Variants in AR observed in about 807,000 individuals in gnomAD.
AR encodes androgen receptor.
A neutral mutation model predicts 53.9 loss-of-function variants in AR; 8 were observed. The observed-to-expected ratio is 0.15, with a 90% CI of 0.09 to 0.27. AR has a LOEUF of 0.27. Ranked by LOEUF, AR falls within the 10% of genes least tolerant of loss-of-function variation. The pLI is 1.00. For missense variants in AR, 639 were observed against 742.5 expected (o/e 0.86, Z 1.62); for synonymous variants, 359 against 316.4 (o/e 1.13, Z -1.43).
At chrX:67,679,199 G>T (rs2075918497) in intron 2 of AR, among the ~76,000 whole-genome samples, 1 of 110,838 alleles carries the variant, frequency 9.0e-6, no homozygotes. Context: ...ATTTAGATGA[G>T]CTCTAAGGCC....
rs1419690127 is a variant in AR, at chrX:67,722,895, G to A, written c.2518G>A (p.Asp840Asn). 3 of 1,210,737 alleles carry A rather than the reference G, an allele frequency of 2.5e-6. No individual in the cohort carries two copies. Among genetic ancestry groups the A allele is most frequent in the Admixed American group, 2.2e-5 (1 of 45,974 alleles). The change falls in exon 7 of 8, where the codon GAT becomes AAT. Residue 840 changes from aspartate (D) to asparagine (N), a missense_variant. Transcript: ENST00000374690. ...TCGAATGAACTACATCAAGGAACTC[G>A]ATCGTATCATTGCATGCAAAAGAAA... Reference protein sequence around the residue: ...ELRMNYIKELDRIIACKRKNP... With the variant: ...ELRMNYIKELNRIIACKRKNP...
At position 67,574,850 on chromosome X, in the gene AR, C is replaced by T. The variant is rs777615018; in HGVS notation, c.1616+28088C>T. Among the ~76,000 whole-genome samples the T allele has an allele frequency of 6.3e-5, 7 of 111,290 alleles. No individual in the cohort carries two copies. In the South Asian group the frequency reaches 1.9e-3, roughly 30 times the overall value. On this transcript the variant is annotated intron_variant, in intron 1 of 7. Coordinates refer to ENST00000374690, the MANE Select transcript of AR (RefSeq NM_000044.6). The stretch of plus-strand genomic sequence containing the variant: ...CATGTGATTACTAATAAACTCAAAG[C>T]GGCATTTTTTTACTTCTCAATATGA...
intron 3 of AR, chrX:67,695,745 A>G (rs970001288): frequency 1.4e-6 from 1 of 725,355 alleles, no homozygotes; most frequent in Non-Finnish European, 1.6e-6. Context: ...CTAAACACAC[A>G]CACACACACA....
intron 2 of AR, among the ~76,000 whole-genome samples, chrX:67,662,946 T>A (rs1264677415): frequency 9.0e-6 from 1 of 111,546 alleles, no homozygotes; most frequent in African/African-American, 3.3e-5. Context: ...AGGATTGCAA[T>A]CCCTGCCTTT....
Position 67,707,681 on chromosome X carries a change from C to G in AR, c.1886-3721C>G, listed in dbSNP as rs192818545. ...TTGTTATATGTGAATTTGATCCTGT[C>G]ATTGTGATGTTAGCTGGTTCTTTTG... On this transcript the variant is annotated intron_variant, in intron 3 of 7. Transcript: ENST00000374690. 2.0e-3 allele frequency among the ~76,000 whole-genome samples: 222 copies of G among 111,812 alleles called. 1 individual carries two copies. Among genetic ancestry groups the G allele is most frequent in the African/African-American group, 6.7e-3 (207 of 30,796 alleles).
intron 1 of AR, among the ~76,000 whole-genome samples, chrX:67,579,070 T>C (rs947407265): frequency 8.9e-6 from 1 of 111,954 alleles, no homozygotes; most frequent in African/African-American, 3.2e-5. Flanking sequence ...CAGCTGAGGC[T>C]GAAAGACATA....
rs190382556 is a variant in AR at position 67,663,766 on chromosome X, C to G, written c.1768+20359C>G. ...CCCCATCACTTTCAGGTACACCAAT[C>G]AGACATAGATTTGGTCTTTTCACAT... On this transcript the variant is annotated intron_variant, in intron 2 of 7. Transcript: ENST00000374690. Among the ~76,000 whole-genome samples the G allele has an allele frequency of 3.5e-4, 39 of 112,440 alleles. No individual in the cohort carries two copies. The East Asian group carries it at 0.01, about 30-fold the overall frequency.
At chrX:67,547,615 A>G (rs1018675715) in intron 1 of AR, among the ~76,000 whole-genome samples, 14 of 112,245 alleles carry the variant, frequency 1.2e-4, no homozygotes, top group African/African-American at 4.5e-4. Flanking sequence ...TTTAATGTAC[A>G]ATTTAATTAG....
chrX:67,553,612 A>G (rs1192332864), intron 1 of AR, among the ~76,000 whole-genome samples: 2 of 112,006 alleles, frequency 1.8e-5, no homozygotes. Flanking sequence ...TCTCACAGGA[A>G]CTATATTAAA....
rs770656555 is a variant in AR at position 67,729,350 on chromosome X, G to A, written c.*5509G>A. 25 of 173,314 alleles carry A rather than the reference G, an allele frequency of 1.4e-4. No homozygotes were observed. The highest frequency in any genetic ancestry group is 2.5e-4 in the Non-Finnish European group (23 of 91,027). The allele number at this position is 173,314 out of a possible 1,213,427, so 14.3% of individuals were successfully genotyped here. On this transcript the variant is annotated 3_prime_UTR_variant, in exon 8 of 8. Transcript: ENST00000374690. ...CCAACTCAACCATTTCTAGGTGAAGGCAGAAAAATCCACATTAGTTACTCC... is the reference window on the plus strand; with the variant it reads ...CCAACTCAACCATTTCTAGGTGAAGACAGAAAAATCCACATTAGTTACTCC...
At chrX:67,617,921 T>C (rs1440929950) in intron 1 of AR, among the ~76,000 whole-genome samples, 1 of 111,555 alleles carries the variant, frequency 9.0e-6, no homozygotes, top group Non-Finnish European at 1.9e-5. Flanking sequence ...AAAAAGAAAC[T>C]AGGAAAGTGC....
chrX:67,726,042 G>A lies in AR; in HGVS notation c.*2201G>A. 1 of 175,944 alleles carries A rather than the reference G, an allele frequency of 5.7e-6. No individual in the cohort carries two copies. The highest frequency in any genetic ancestry group is 2.9e-5 in the African/African-American group (1 of 34,514). The allele number at this position is 175,944 out of a possible 1,213,427, so 14.5% of individuals were successfully genotyped here. On this transcript the variant is annotated 3_prime_UTR_variant, in exon 8 of 8. Transcript: ENST00000374690. Reference sequence around the variant, plus strand: ...CCATTTTAATTGATTCACTCTGTTTGTTGAGAGGATAGTTTCTGAGTGACA... The same window carrying A: ...CCATTTTAATTGATTCACTCTGTTTATTGAGAGGATAGTTTCTGAGTGACA...
At chrX:67,723,485 AC>A (rs2076145557) in intron 7 of AR, among the ~76,000 whole-genome samples, 200 bp from the exon 8 acceptor site, 1 of 90,053 alleles carries the variant, frequency 1.1e-5, no homozygotes, top group Non-Finnish European at 2.2e-5. Flanking sequence ...CTCCATGGAG[AC>A]CATTTCTTTC....
chrX:67,560,813 T>G (rs1303326890), intron 1 of AR, among the ~76,000 whole-genome samples: 2 of 111,471 alleles, frequency 1.8e-5, no homozygotes, highest in Non-Finnish European at 3.8e-5. Context: ...TACTATCCAT[T>G]CTTCTATGAC....
intron 1 of AR, among the ~76,000 whole-genome samples, chrX:67,624,805 T>C (rs1359898826): frequency 1.9e-5 from 2 of 103,750 alleles, no homozygotes; most frequent in Non-Finnish European, 1.9e-5. Flanking sequence ...TAGGGAAAGA[T>C]TGAAATTTTT....
At chrX:67,681,532 G>A (rs1021159231) in intron 2 of AR, among the ~76,000 whole-genome samples, 1 of 112,165 alleles carries the variant, frequency 8.9e-6, no homozygotes. Context: ...TGTGGCTTGG[G>A]GCATGTAATT....
intron 1 of AR, among the ~76,000 whole-genome samples, chrX:67,577,857 A>G (rs1053439409): frequency 1.8e-5 from 2 of 111,342 alleles, no homozygotes; most frequent in African/African-American, 6.5e-5. Context: ...CTTACAATAT[A>G]TTTTGGATGT....
chrX:67,706,805 A>G (rs1017980946), intron 3 of AR, among the ~76,000 whole-genome samples: 1 of 111,957 alleles, frequency 8.9e-6, no homozygotes, highest in South Asian at 3.7e-4. Flanking sequence ...ATTTCCCTCT[A>G]CACACTACTT....
intron 1 of AR, among the ~76,000 whole-genome samples, chrX:67,565,165 A>T (rs1365033442): frequency 1.8e-5 from 2 of 111,890 alleles, no homozygotes; most frequent in Non-Finnish European, 3.8e-5. Flanking sequence ...GACCCTTCTG[A>T]AACCACTTCT....
Sources: gnomAD v4.1 joint callset for allele counts (sites outside exome capture counted in the v4.1 genomes callset) on GRCh38, gnomAD v4.1.1 for gene constraint, MANE v1.5 for transcripts, NCBI Gene and HGNC (gene_info 2026-07-23, HGNC 2026-07-21) for gene names.